Variants in FRY observed in about 807,000 individuals in gnomAD.
FRY encodes the protein protein furry homolog.
FRY carries 128 observed loss-of-function variants against 348.4 expected under a neutral mutation model. The observed-to-expected ratio is 0.37, with a 90% CI of 0.32 to 0.43. The LOEUF is 0.43. Ranked by LOEUF, FRY falls within the 20% of genes least tolerant of loss-of-function variation. The probability of loss-of-function intolerance (pLI) is 1.00; values close to 1 mark genes in which losing one functional copy is unlikely to be tolerated. For synonymous variants in FRY, 1,370 were observed against 1,374.7 expected, an observed-to-expected ratio of 1.00 and a Z score of 0.08; for missense variants, 2,736 against 3,695.2, an observed-to-expected ratio of 0.74 and a Z score of 6.73.
chr13:32,269,679 G>A (rs1192959921), intron 55 of FRY, among the ~76,000 whole-genome samples: 2 of 135,902 alleles, frequency 1.5e-5, no homozygotes, highest in African/African-American at 5.6e-5. Flanking sequence ...GCAACAAAGT[G>A]AGACTCCATC....
At chr13:32,244,515 G>C (rs1257457093) in intron 47 of FRY, among the ~76,000 whole-genome samples, 1 of 152,168 alleles carries the variant, frequency 6.6e-6, no homozygotes, top group Non-Finnish European at 1.5e-5. Flanking sequence ...GAAGGAGAGG[G>C]GACAAGGAAC....
chr13:32,116,765 A>G (rs1878326727), intron 3 of FRY, among the ~76,000 whole-genome samples: 1 of 152,176 alleles, frequency 6.6e-6, no homozygotes, highest in Non-Finnish European at 1.5e-5. Flanking sequence ...TTTAAAGAAA[A>G]AGGGAGAAGT....
chr13:32,210,978 A>G lies in FRY; in HGVS notation c.4535A>G (p.Asp1512Gly). The G allele has an allele frequency of 1.2e-6, 2 of 1,614,004 alleles. No individual in the cohort carries two copies. The highest frequency in any genetic ancestry group is 1.7e-6 in the Non-Finnish European group (2 of 1,179,866). ...GTGAACCCCATCGTCCAGCATTGTG[A>G]CAACCCGCCCTTCTACCGCTTCACG... is the stretch of plus-strand genomic sequence containing the variant. ...EPVNPIVQHCDNPPFYRFTAS... is the reference protein window; with the variant it reads ...EPVNPIVQHCGNPPFYRFTAS... Residue 1512 changes from aspartate (D) to glycine (G), a missense_variant, in exon 34 of 61, where the codon GAC (aspartate) becomes GGC (glycine). Physicochemically the swap from Asp to Gly is moderately conservative, Grantham distance 94. This residue lies in a region of FRY where 794 missense variants were observed against 977.0 expected (regional missense o/e 0.81). Transcript: ENST00000542859.
At position 32,178,307 on chromosome 13, in the gene FRY, C is replaced by T; in HGVS notation, c.2552C>T (p.Pro851Leu). ...ATATTTGCACAGTCTGTCAAAGACC[C>T]CTGGGTCCTCTGCCTCTTCAGCTTC... ...VWIFAQSVKD[P>L]WVLCLFSFLR... Residue 851 changes from proline to leucine, a missense_variant, in exon 21 of 61, where the codon CCC becomes CTC. Around this residue, in one of 9 missense-constraint regions of FRY, gnomAD observed 449 missense variants for 576.9 expected, o/e 0.78. Transcript: ENST00000542859. The T allele has an allele frequency of 6.2e-7, 1 of 1,614,170 alleles. No individual in the cohort carries two copies. Among genetic ancestry groups the T allele is most frequent in the African/African-American group, 1.3e-5 (1 of 75,038 alleles).
At chr13:32,268,505 A>AAAAAAAAATATATAT (rs1555273232) in intron 55 of FRY, among the ~76,000 whole-genome samples, 3 of 28,316 alleles carry the variant, frequency 1.1e-4, no homozygotes, top group African/African-American at 2.8e-4. Flanking sequence ...AAAAAAAAAA[A>AAAAAAAAATATATAT]ATATATATAT....
intron 32 of FRY, 113 bp downstream of exon 32, chr13:32,209,222 G>A: frequency 8.5e-7 from 1 of 1,182,448 alleles, no homozygotes; most frequent in East Asian, 2.3e-5. Flanking sequence ...CATGACTGGG[G>A]ATAAATAGTG....
chr13:32,121,027 G>T (rs139054329), intron 4 of FRY, among the ~76,000 whole-genome samples: 1 of 152,140 alleles, frequency 6.6e-6, no homozygotes, highest in Non-Finnish European at 1.5e-5. Context: ...AGAATGTTTG[G>T]TTTTCCATTC....
chr13:32,057,178 AT>A (rs904083016), intron 1 of FRY, among the ~76,000 whole-genome samples: 15 of 148,324 alleles, frequency 1.0e-4, no homozygotes, highest in South Asian at 4.3e-4. Flanking sequence ...TTTATTTTTT[AT>A]TTTTTTTTTA....
intron 1 of FRY, among the ~76,000 whole-genome samples, chr13:32,032,818 AT>A (rs1211963881): frequency 8.5e-5 from 13 of 152,150 alleles, no homozygotes; most frequent in Admixed American, 1.3e-4. Flanking sequence ...AAATAAAAAA[AT>A]TTTTTCCCCG....
At chr13:32,217,962 C>T (rs1885095841) in intron 35 of FRY, among the ~76,000 whole-genome samples, 1 of 152,132 alleles carries the variant, frequency 6.6e-6, no homozygotes, top group Non-Finnish European at 1.5e-5. Flanking sequence ...TAGGACCTTT[C>T]CCTGAACACT....
intron 46 of FRY, among the ~76,000 whole-genome samples, chr13:32,240,152 A>G (rs973722689): frequency 2.0e-5 from 3 of 152,230 alleles, no homozygotes; most frequent in African/African-American, 4.8e-5. Flanking sequence ...ATTATAATAC[A>G]TGCTAATGGA....
chr13:32,108,394 T>C (rs2138659499), intron 3 of FRY, among the ~76,000 whole-genome samples: 1 of 152,346 alleles, frequency 6.6e-6, no homozygotes, highest in South Asian at 2.1e-4. Context: ...GCAAAGGTCC[T>C]GAACAGAAAA....
intron 3 of FRY, among the ~76,000 whole-genome samples, chr13:32,103,682 G>A (rs1877324092): frequency 6.6e-6 from 1 of 152,132 alleles, no homozygotes; most frequent in South Asian, 2.1e-4. Flanking sequence ...AGAATAAATA[G>A]TGCTGGGCGC....
intron 20 of FRY, among the ~76,000 whole-genome samples, chr13:32,177,509 G>A (rs1271266259): frequency 1.3e-5 from 2 of 152,054 alleles, no homozygotes; most frequent in Admixed American, 6.6e-5. Flanking sequence ...TACAAGAATC[G>A]CTTGAACCTG....
At chr13:32,230,339 C>T (rs1372364055) in intron 40 of FRY, among the ~76,000 whole-genome samples, 15 of 152,190 alleles carry the variant, frequency 9.9e-5, no homozygotes, top group African/African-American at 2.7e-4. Flanking sequence ...TCTGTTCCTG[C>T]GTTAGTTTGC....
intron 31 of FRY, among the ~76,000 whole-genome samples, chr13:32,204,466 A>C (rs937121260): frequency 1.3e-4 from 20 of 152,196 alleles, no homozygotes; most frequent in African/African-American, 4.8e-4. Flanking sequence ...GGGGCAGGGG[A>C]AAAAAAGCTC....
chr13:32,239,759 A>C lies in FRY; in HGVS notation c.6565A>C (p.Met2189Leu). The change falls in exon 46 of 61, where the codon ATG becomes CTG. Residue 2189 changes from methionine to leucine, a missense_variant. Physicochemically the swap from Met to Leu is conservative, Grantham distance 15. Transcript: ENST00000542859. The surrounding 1 kb of genome is among the most constrained non-coding windows in gnomAD (Gnocchi z 4.3). The stretch of plus-strand genomic sequence containing the variant: ...CAAACTTTCAAATCTTGCACATGTC[A>C]TGACTCTTTATAAAACGCACAGCTA... The part of the protein sequence containing the change: ...NPKLSNLAHV[M>L]TLYKTHSYTR... 1 of 1,613,926 alleles carries C rather than the reference A, an allele frequency of 6.2e-7. No individual in the cohort carries two copies. Among genetic ancestry groups the C allele is most frequent in the South Asian group, 1.1e-5 (1 of 91,080 alleles).
chr13:32,273,167 G>A (rs1468549676), intron 55 of FRY, among the ~76,000 whole-genome samples: 1 of 151,142 alleles, frequency 6.6e-6, no homozygotes, highest in African/African-American at 2.4e-5. Context: ...AGTCAGACCC[G>A]TCCTTACTCA....
chr13:32,048,892 T>A (rs1196323839), intron 1 of FRY, among the ~76,000 whole-genome samples: 1 of 152,202 alleles, frequency 6.6e-6, no homozygotes, highest in Non-Finnish European at 1.5e-5. Flanking sequence ...TGAGAGTCAA[T>A]AAACAGTCCT....
Sources: gnomAD v4.1 joint callset for allele counts (sites outside exome capture counted in the v4.1 genomes callset) on GRCh38, gnomAD v4.1.1 for gene constraint, gnomAD v4.1.1 regional missense constraint, Gnocchi (gnomAD v3.1) non-coding constraint, MANE v1.5 for transcripts, NCBI Gene and HGNC (gene_info 2026-07-23, HGNC 2026-07-21) for gene names.